The following ROR2 variants were observed in gnomAD, a reference collection of about 807,000 sequenced individuals.
ROR2 encodes the protein ROR family WNT receptor 2.
In ROR2, 33 loss-of-function variants were observed where a neutral mutation model predicts 74.9. That is an observed-to-expected ratio of 0.44 (90% confidence interval 0.33 to 0.59). The LOEUF (loss-of-function observed/expected upper bound fraction) is 0.59, where lower values mean the gene tolerates loss of function less well. ROR2 is among the 20% of genes least tolerant of loss of function. The pLI, the probability that ROR2 is intolerant of heterozygous loss-of-function variation, is 0.02. For missense variants in ROR2, 1,216 were observed against 1,313.8 expected (o/e 0.93, Z 1.15); for synonymous variants, 586 against 558.7 (o/e 1.05, Z -0.69).
chr9:91,876,458 C>T (rs537848486), intron 1 of ROR2, among the ~76,000 whole-genome samples: 193 of 152,232 alleles, frequency 1.3e-3, no homozygotes, highest in African/African-American at 4.4e-3. Flanking sequence ...AGCCAGTCCC[C>T]GACACCAAAT....
At chr9:91,742,488 A>G (rs1244035543) in intron 4 of ROR2, among the ~76,000 whole-genome samples, 1 of 152,194 alleles carries the variant, frequency 6.6e-6, no homozygotes, top group Non-Finnish European at 1.5e-5. Flanking sequence ...GAAACTATAA[A>G]AGAACTAAAC....
chr9:91,849,821 G>A (rs1587780268), intron 1 of ROR2, among the ~76,000 whole-genome samples: 3 of 152,286 alleles, frequency 2.0e-5, no homozygotes, highest in Non-Finnish European at 1.5e-5. Context: ...TAGGAATATC[G>A]TGTTTTGAAC....
chr9:91,838,512 C>A (rs16907863), intron 1 of ROR2, among the ~76,000 whole-genome samples: 5,647 of 152,310 alleles, frequency 0.037, 159 homozygotes, highest in East Asian at 0.095. Flanking sequence ...AGACAAGACA[C>A]GAAAACACCC....
chr9:91,847,675 G>A (rs1328698653), intron 1 of ROR2, among the ~76,000 whole-genome samples: 2 of 152,164 alleles, frequency 1.3e-5, no homozygotes, highest in African/African-American at 2.4e-5. Context: ...CAGGGCTGAG[G>A]GTCGAGAGCA....
intron 1 of ROR2, among the ~76,000 whole-genome samples, chr9:91,864,189 C>A (rs779914578): frequency 6.6e-6 from 1 of 152,152 alleles, no homozygotes; most frequent in Non-Finnish European, 1.5e-5. Context: ...AATTCAAATT[C>A]GACAGGAAAG....
chr9:91,756,164 C>T, intron 3 of ROR2, 63 bp from the exon 4 acceptor site: 1 of 1,554,512 alleles, frequency 6.4e-7, no homozygotes, highest in Non-Finnish European at 8.9e-7. Flanking sequence ...CAACCTTCTT[C>T]AAATCAGGCC....
intron 1 of ROR2, among the ~76,000 whole-genome samples, chr9:91,921,601 C>T (rs538360294): frequency 3.3e-5 from 5 of 152,224 alleles, no homozygotes; most frequent in African/African-American, 9.6e-5. Context: ...TGGTAGCTCA[C>T]GCCTGTAATC....
intron 2 of ROR2, among the ~76,000 whole-genome samples, chr9:91,760,494 C>A (rs954375932): frequency 6.6e-6 from 1 of 151,904 alleles, no homozygotes; most frequent in South Asian, 2.1e-4. Context: ...ATTAGCCAGG[C>A]GAGGTGGCGG....
chr9:91,729,532 T>C (rs1837160873), intron 7 of ROR2, among the ~76,000 whole-genome samples: 1 of 152,244 alleles, frequency 6.6e-6, no homozygotes, highest in African/African-American at 2.4e-5. Context: ...CAGTGTTTAT[T>C]TCCTGCACTT....
rs905512409 is a variant in ROR2 at position 91,724,424 on chromosome 9, C to T, written c.2070G>A (p.Leu690=). 6 of 1,614,178 alleles carry T rather than the reference C, an allele frequency of 3.7e-6. No individual in the cohort carries two copies. The Admixed American group carries it at 1.0e-4, about 27-fold the overall frequency. ...GGTTGGAGTACCCGCAGTAGGGCTG[C>T]AGGCCGTAGCTGAAGACCTCCCACA... The part of the protein sequence containing the change: ...VVLWEVFSYG[L]QPYCGYSNQD... The change falls in exon 9 of 9, where the codon CTG becomes CTA. Residue 690 remains leucine, a synonymous_variant. Transcript: ENST00000375708.
chr9:91,885,074 A>C (rs1472648816), intron 1 of ROR2, among the ~76,000 whole-genome samples: 1 of 152,094 alleles, frequency 6.6e-6, no homozygotes, highest in African/African-American at 2.4e-5. Context: ...AGTTCTCAGA[A>C]CCCAACATTG....
At chr9:91,731,185 TCCG>T in intron 6 of ROR2, 30 bp from the exon 7 acceptor site, 2 of 1,613,552 alleles carry the variant, frequency 1.2e-6, no homozygotes, top group Non-Finnish European at 1.7e-6. Flanking sequence ...TAGGAAAACC[TCCG>T]GGGTACAACA....
intron 1 of ROR2, among the ~76,000 whole-genome samples, chr9:91,836,021 A>G (rs1450259357): frequency 1.3e-5 from 2 of 152,190 alleles, no homozygotes; most frequent in African/African-American, 4.8e-5. Flanking sequence ...CATGCAAGCA[A>G]TGAGGTTTTA....
chr9:91,836,636 C>T (rs1401247913), intron 1 of ROR2, among the ~76,000 whole-genome samples: 1 of 152,198 alleles, frequency 6.6e-6, no homozygotes, highest in Non-Finnish European at 1.5e-5. Flanking sequence ...GACAACGCAG[C>T]TAACTGCCTG....
At chr9:91,780,647 C>T (rs1429769302) in intron 1 of ROR2, among the ~76,000 whole-genome samples, 1 of 151,998 alleles carries the variant, frequency 6.6e-6, no homozygotes, top group Non-Finnish European at 1.5e-5. Flanking sequence ...AAAAATTAGC[C>T]AGGCGTGGTG....
chr9:91,812,145 A>G (rs988878555), intron 1 of ROR2, among the ~76,000 whole-genome samples: 1 of 152,140 alleles, frequency 6.6e-6, no homozygotes, highest in African/African-American at 2.4e-5. Context: ...CTTGGCCACA[A>G]GTGGCCCACA....
intron 4 of ROR2, among the ~76,000 whole-genome samples, chr9:91,754,105 G>A (rs1041841281): frequency 6.6e-5 from 10 of 152,036 alleles, no homozygotes; most frequent in African/African-American, 2.4e-4. Context: ...GGGACTTTCC[G>A]AAACTGCCCC....
At position 91,878,039 on chromosome 9, in the gene ROR2, G is replaced by A. The variant is rs969624344; in HGVS notation, c.97+71828C>T. On this transcript the variant is annotated intron_variant, in intron 1 of 8. Transcript: ENST00000375708. ...CCAGCTTTAACAAGATTTCCAGAGT[G>A]TTCAGAACTTCACAGGGACCCAGTA... is the stretch of plus-strand genomic sequence containing the variant. Among the ~76,000 whole-genome samples the A allele has an allele frequency of 5.3e-5, 8 of 151,010 alleles. No individual in the cohort carries two copies. In the East Asian group the frequency reaches 1.4e-3, roughly 26 times the overall value.
At chr9:91,948,508 T>A in intron 1 of ROR2, 6 of 937,910 alleles carry the variant, frequency 6.4e-6, no homozygotes, top group Non-Finnish European at 7.6e-6. Context: ...CAAGCTCCCT[T>A]CCCAAATCAA....
Sources: gnomAD v4.1 joint callset for allele counts (sites outside exome capture counted in the v4.1 genomes callset) on GRCh38, gnomAD v4.1.1 for gene constraint, MANE v1.5 for transcripts, NCBI Gene and HGNC (gene_info 2026-07-23, HGNC 2026-07-21) for gene names.